TRO: variants seen among roughly 807,000 people sequenced by gnomAD.
The protein encoded by TRO is trophinin, also known as MAGE superfamily protein.
TRO carries 29 observed loss-of-function variants against 42.3 expected under a neutral mutation model. The ratio of observed to expected loss-of-function variants is 0.68; its 90% CI spans 0.51 to 0.93. The LOEUF is 0.93. Ranked by LOEUF, TRO falls within the 40% of genes least tolerant of loss-of-function variation. The pLI is 0.00. For synonymous variants in TRO, 384 were observed against 425.2 expected, an observed-to-expected ratio of 0.90 and a Z score of 1.19; for missense variants, 963 against 1,127.7, an observed-to-expected ratio of 0.85 and a Z score of 2.09.
rs780938992 is a variant in TRO at position 54,930,800 on chromosome X, G to A, written c.4076G>A (p.Ser1359Asn). 1 of 1,212,118 alleles carries A rather than the reference G, an allele frequency of 8.3e-7. No homozygotes were observed. Among genetic ancestry groups the A allele is most frequent in the Non-Finnish European group, 1.1e-6 (1 of 895,490 alleles). Residue 1359 changes from serine to asparagine, a missense_variant, in exon 12 of 13, where the codon AGT becomes AAT. Transcript: ENST00000173898. ...GEPSTSTGFS[S>N]GPSSIVGFSG... ...CCCAGCACCAGCACGGGCTTCAGTAGTGGACCCAGTTCTATTGTTGGCTTC... is the reference window on the plus strand; with the variant it reads ...CCCAGCACCAGCACGGGCTTCAGTAATGGACCCAGTTCTATTGTTGGCTTC...
chrX:54,926,637 C>T lies in TRO; in HGVS notation c.1700+12C>T. The T allele has an allele frequency of 8.3e-7, 1 of 1,211,343 alleles. No individual in the cohort carries two copies. Among genetic ancestry groups the T allele is most frequent in the Non-Finnish European group, 1.1e-6 (1 of 895,573 alleles). ...GGGCTGCGCCCTGGGTATGACTGGG[C>T]TCTCTCAGCGCTTGCTGTCCGTGTT... On this transcript the variant is annotated intron_variant, in intron 9 of 12. Transcript: ENST00000173898.
chrX:54,921,751 T>G (rs1602125926), intron 1 of TRO, among the ~76,000 whole-genome samples: 1 of 75,628 alleles, frequency 1.3e-5, no homozygotes, highest in Non-Finnish European at 2.6e-5. Context: ...GGGGCTAGTG[T>G]TGGGGGAAGG....
At chrX:54,927,158 T>G (rs1389102230) in intron 10 of TRO, 53 bp downstream of exon 10, 2 of 1,171,332 alleles carry the variant, frequency 1.7e-6, no homozygotes, top group Non-Finnish European at 2.3e-6. Context: ...GGTATACTGA[T>G]CTGGTTCAGA....
intron 9 of TRO, 143 bp from the exon 10 acceptor site, chrX:54,926,900 C>T: frequency 1.4e-6 from 1 of 706,101 alleles, no homozygotes; most frequent in Non-Finnish European, 2.1e-6. Context: ...CTGCTTGCTT[C>T]TAGTGGCCAT....
intron 1 of TRO, chrX:54,921,221 A>T (rs1932000411): frequency 9.0e-6 from 1 of 110,587 alleles, no homozygotes; most frequent in African/African-American, 3.3e-5. Context: ...GGAGGGAGAT[A>T]GGAGACGGCA....
Position 54,923,098 on chromosome X carries a change from A to G in TRO, c.566A>G (p.Glu189Gly). The change falls in exon 3 of 13, where the codon GAG (glutamate) becomes GGG (glycine). Residue 189 changes from glutamate to glycine, a missense_variant. This residue lies in a region of TRO where 322 missense variants were observed against 316.5 expected (regional missense o/e 1.02). Coordinates refer to ENST00000173898, the MANE Select transcript of TRO (RefSeq NM_001039705.3). ...AATATTCACGCTCCAATTGCCAATG[A>G]GTCAGCCAGTTCCCAAGCCTTGATA... ...SQNIHAPIAN[E>G]SASSQALITS... 2 of 1,211,984 alleles carry G rather than the reference A, an allele frequency of 1.7e-6. No homozygotes were observed. Among genetic ancestry groups the G allele is most frequent in the Non-Finnish European group, 2.2e-6 (2 of 895,606 alleles).
chrX:54,925,848 T>G (rs918598186), intron 7 of TRO, among the ~76,000 whole-genome samples, 165 bp downstream of exon 7: 1 of 112,104 alleles, frequency 8.9e-6, no homozygotes, highest in Non-Finnish European at 1.9e-5. Flanking sequence ...CTCACAGTAG[T>G]GGCACCTGAT....
chrX:54,926,715 T>A, intron 9 of TRO, 90 bp downstream of exon 9: 1 of 1,182,501 alleles, frequency 8.5e-7, no homozygotes, highest in Non-Finnish European at 1.1e-6. Context: ...GGTGGTCTGG[T>A]GGAGCGGGTG....
rs747741642 is a variant in TRO at position 54,923,105 on chromosome X, C to T, written c.573C>T (p.Ala191=). The T allele has an allele frequency of 2.5e-6, 3 of 1,211,872 alleles. No individual in the cohort carries two copies. Among genetic ancestry groups the T allele is most frequent in the Admixed American group, 4.3e-5 (2 of 46,055 alleles). The change falls in exon 3 of 13, where the codon GCC becomes GCT. Residue 191 remains alanine, a synonymous_variant. Coordinates refer to ENST00000173898, the MANE Select transcript of TRO (RefSeq NM_001039705.3). ...NIHAPIANES[A]SSQALITSIK... ...ACGCTCCAATTGCCAATGAGTCAGC[C>T]AGTTCCCAAGCCTTGATAACCTCTA...
intron 10 of TRO, 140 bp from the exon 11 acceptor site, chrX:54,927,527 G>GTGAGTC: frequency 2.1e-6 from 1 of 469,704 alleles, no homozygotes; most frequent in Non-Finnish European, 3.7e-6. Flanking sequence ...GTGTTTGGTA[G>GTGAGTC]TGAGTCTGGG....
chrX:54,926,428 G>A lies in TRO; in HGVS notation c.1596G>A (p.Lys532=). 7 of 1,212,013 alleles carry A rather than the reference G, an allele frequency of 5.8e-6. No individual in the cohort carries two copies. The highest frequency in any genetic ancestry group is 7.8e-6 in the Non-Finnish European group (7 of 895,447). The change falls in exon 8 of 13, where the codon AAG becomes AAA. Residue 532 remains lysine (K), a synonymous_variant. Coordinates refer to ENST00000173898, the MANE Select transcript of TRO (RefSeq NM_001039705.3). ...GILGTTKDTP[K]LGLLMVILSV... is the part of the protein sequence containing the mutation. ...CCCTTAGGACCAAGGACACACCCAA[G>A]CTGGGTCTCCTCATGGTGATTCTGA...
At chrX:54,928,045 A>G (rs748668740) in intron 11 of TRO, among the ~76,000 whole-genome samples, 16 of 112,770 alleles carry the variant, frequency 1.4e-4, no homozygotes, top group Non-Finnish European at 2.8e-4. Flanking sequence ...ATTTTCTCAT[A>G]GTTCTTGAGG....
At position 54,926,575 on chromosome X, in the gene TRO, C is replaced by T. The variant is rs772518787; in HGVS notation, c.1658-8C>T. 2 of 1,212,076 alleles carry T rather than the reference C, an allele frequency of 1.7e-6. No homozygotes were observed. Among genetic ancestry groups the T allele is most frequent in the South Asian group, 1.8e-5 (1 of 56,995 alleles). On this transcript the variant is annotated splice_polypyrimidine_tract_variant and splice_region_variant and intron_variant, in intron 8 of 12. Coordinates refer to ENST00000173898, the MANE Select transcript of TRO (RefSeq NM_001039705.3). ...TCTGTCCCTGTCTCCTCTTGCCTCC[C>T]CTCACAGCTGTCATCTGGGAGGTGC...
At chrX:54,923,966 A>G in intron 3 of TRO, 198 bp downstream of exon 3, 1 of 454,851 alleles carries the variant, frequency 2.2e-6, no homozygotes, top group Non-Finnish European at 3.7e-6. Flanking sequence ...TAAGACATCC[A>G]TACACTCAGC....
chrX:54,925,314 A>C (rs1033511349), intron 6 of TRO, among the ~76,000 whole-genome samples: 1 of 111,733 alleles, frequency 8.9e-6, no homozygotes, highest in African/African-American at 3.3e-5. Flanking sequence ...AGTTGGACAT[A>C]TTCTGCATGT....
chrX:54,925,197 C>G, intron 6 of TRO, 129 bp downstream of exon 6: 1 of 639,204 alleles, frequency 1.6e-6, no homozygotes. Flanking sequence ...AATGGGCAGA[C>G]AGTGGCCTAG....
intron 3 of TRO, 21 bp from the exon 4 acceptor site, chrX:54,924,430 T>A (rs1932504967): frequency 8.5e-7 from 1 of 1,175,736 alleles, no homozygotes; most frequent in Non-Finnish European, 1.1e-6. Context: ...CTCTGGACCT[T>A]CCTTCTTTCT....
intron 6 of TRO, 79 bp downstream of exon 6, chrX:54,925,147 G>T: frequency 1.0e-6 from 1 of 959,224 alleles, no homozygotes; most frequent in Admixed American, 2.5e-5. Flanking sequence ...CTTTTGGAGA[G>T]AATCACAGAA....
In TRO at chrX:54,923,718, C is replaced by T. The variant is rs1425451020; in HGVS notation, c.1186C>T (p.Gln396Ter). ...GGCCCTGGCAGATGACTATCTGGCT[C>T]AGTTGAGCCTGGAGCCCACAACCAG... is the stretch of plus-strand genomic sequence containing the variant. ...VQALADDYLAQLSLEPTTRTR... is the reference protein window; with the variant it reads ...VQALADDYLA The change falls in exon 3 of 13, where the codon CAG (glutamine) becomes TAG (stop). Residue 396 changes from glutamine (Q) to a stop codon, truncating the protein, a stop_gained. Transcript: ENST00000173898. LOFTEE classifies it high-confidence loss of function. 2.5e-6 allele frequency: 3 copies of T among 1,210,160 alleles called. No homozygotes were observed. The highest frequency in any genetic ancestry group is 1.8e-5 in the South Asian group (1 of 56,278).
Sources: gnomAD v4.1 joint callset for allele counts (sites outside exome capture counted in the v4.1 genomes callset) on GRCh38, gnomAD v4.1.1 for gene constraint, gnomAD v4.1.1 regional missense constraint, MANE v1.5 for transcripts, NCBI Gene and HGNC (gene_info 2026-07-23, HGNC 2026-07-21) for gene names.